The following PTPRD variants were observed in gnomAD, a reference collection of about 807,000 sequenced individuals.
PTPRD encodes the protein receptor-type tyrosine-protein phosphatase delta.
A neutral mutation model predicts 214.5 loss-of-function variants in PTPRD; 34 were observed. That is an observed-to-expected ratio of 0.16 (90% CI 0.12 to 0.21). The LOEUF (loss-of-function observed/expected upper bound fraction) is 0.21, where lower values mean the gene tolerates loss of function less well. Ranked by LOEUF, PTPRD falls within the 10% of genes least tolerant of loss-of-function variation. The pLI is 1.00. For synonymous variants in PTPRD, 1,128 were observed against 845.7 expected, an observed-to-expected ratio of 1.33 and a Z score of -5.79; for missense variants, 2,545 against 2,398.7, an observed-to-expected ratio of 1.06 and a Z score of -1.27.
Position 8,341,073 on chromosome 9 carries a change from G to A in PTPRD, c.5126+17C>T, listed in dbSNP as rs1174651504. On this transcript the variant is annotated intron_variant, in intron 41 of 45. Coordinates refer to ENST00000381196, the MANE Select transcript of PTPRD (RefSeq NM_002839.4). ...AATATCAAGGCTTTGGATAGTCAGG[G>A]GAGCAAAAGTAGATACCTGTATCCA... 3.2e-6 allele frequency: 5 copies of A among 1,562,996 alleles called. No homozygotes were observed. The highest frequency in any genetic ancestry group is 1.9e-5 in the Admixed American group (1 of 53,478).
intron 3 of PTPRD, among the ~76,000 whole-genome samples, chr9:10,113,889 G>A (rs992545518): frequency 6.6e-6 from 1 of 152,154 alleles, no homozygotes; most frequent in Non-Finnish European, 1.5e-5. Flanking sequence ...AGACTCAGCT[G>A]TCTAGGATAC....
At chr9:9,887,484 C>T (rs2071401530) in intron 5 of PTPRD, among the ~76,000 whole-genome samples, 1 of 152,082 alleles carries the variant, frequency 6.6e-6, no homozygotes, top group South Asian at 2.1e-4. Context: ...TAGGACCACA[C>T]ATTTGGAAGG....
In PTPRD at chr9:9,122,134, T is replaced by C. The variant is rs542619955; in HGVS notation, c.-143+61170A>G. Among the ~76,000 whole-genome samples the C allele has an allele frequency of 6.6e-5, 10 of 152,302 alleles. No individual in the cohort carries two copies. In the East Asian group the frequency reaches 1.9e-3, roughly 29 times the overall value. On this transcript the variant is annotated intron_variant, in intron 10 of 45. Coordinates refer to ENST00000381196, the MANE Select transcript of PTPRD (RefSeq NM_002839.4). ...ATGATTAACAGTAGCAGACTTCATATGTTCCTCAGTGATATCTGGTTTCCT... is the reference window on the plus strand; with the variant it reads ...ATGATTAACAGTAGCAGACTTCATACGTTCCTCAGTGATATCTGGTTTCCT...
intron 11 of PTPRD, among the ~76,000 whole-genome samples, chr9:8,791,333 C>A (rs2096226573): frequency 6.6e-6 from 1 of 151,912 alleles, no homozygotes; most frequent in Non-Finnish European, 1.5e-5. Flanking sequence ...TCAAGTGATT[C>A]TCCTGCCTTA....
At chr9:10,010,038 C>T (rs555339213) in intron 4 of PTPRD, among the ~76,000 whole-genome samples, 2 of 151,968 alleles carry the variant, frequency 1.3e-5, no homozygotes, top group African/African-American at 2.4e-5. Flanking sequence ...AGGAGGGGTC[C>T]ATTCAGTTGG....
At chr9:10,140,786 G>C (rs566251606) in intron 3 of PTPRD, among the ~76,000 whole-genome samples, 17 of 151,950 alleles carry the variant, frequency 1.1e-4, no homozygotes, top group South Asian at 6.3e-4. Flanking sequence ...GCCGGGCAGA[G>C]ACACAACCAA....
intron 33 of PTPRD, among the ~76,000 whole-genome samples, chr9:8,456,202 A>C (rs976163974): frequency 1.3e-5 from 2 of 152,156 alleles, no homozygotes; most frequent in African/African-American, 4.8e-5. Context: ...CTTGACCTGC[A>C]GTTTAGTGGA....
At chr9:9,810,305 A>G (rs2046747774) in intron 5 of PTPRD, among the ~76,000 whole-genome samples, 1 of 152,140 alleles carries the variant, frequency 6.6e-6, no homozygotes, top group African/African-American at 2.4e-5. Context: ...TGTAGACAAA[A>G]TAGCCTTCTA....
intron 10 of PTPRD, among the ~76,000 whole-genome samples, chr9:9,148,804 T>C (rs1569553864): frequency 6.6e-6 from 1 of 152,152 alleles, no homozygotes; most frequent in Non-Finnish European, 1.5e-5. Context: ...TTTCAGGATA[T>C]TAATGAATAT....
At chr9:8,534,585 G>C (rs918912785) in intron 14 of PTPRD, among the ~76,000 whole-genome samples, 15 of 151,056 alleles carry the variant, frequency 9.9e-5, no homozygotes, top group Admixed American at 3.3e-4. Flanking sequence ...AAAAATGATA[G>C]ACGAGTAATA....
intron 7 of PTPRD, among the ~76,000 whole-genome samples, chr9:9,664,761 G>A (rs2096684689): frequency 2.0e-5 from 3 of 151,584 alleles, no homozygotes; most frequent in Non-Finnish European, 4.4e-5. Context: ...GTCATAAACT[G>A]ATTAAAAATC....
chr9:9,659,953 A>C (rs548280588), intron 7 of PTPRD, among the ~76,000 whole-genome samples: 2 of 152,192 alleles, frequency 1.3e-5, no homozygotes, highest in Middle Eastern at 3.4e-3. Context: ...TCATGATTAC[A>C]TATATTACTC....
chr9:9,754,324 T>C (rs2098548951), intron 6 of PTPRD, among the ~76,000 whole-genome samples: 1 of 152,042 alleles, frequency 6.6e-6, no homozygotes, highest in East Asian at 1.9e-4. Context: ...CTGGATGACT[T>C]GTAAACTTTT....
intron 3 of PTPRD, among the ~76,000 whole-genome samples, chr9:10,058,219 G>C (rs1681330089): frequency 6.6e-6 from 1 of 151,882 alleles, no homozygotes; most frequent in African/African-American, 2.4e-5. Flanking sequence ...TCCCCCTTTT[G>C]AGTTATGTAT....
At chr9:10,584,402 A>G (rs2073202143) in intron 2 of PTPRD, among the ~76,000 whole-genome samples, 1 of 152,184 alleles carries the variant, frequency 6.6e-6, no homozygotes, top group Admixed American at 6.5e-5. Context: ...TTTCAATACA[A>G]AAAAGAATTT....
intron 14 of PTPRD, among the ~76,000 whole-genome samples, chr9:8,536,690 C>T (rs1040910891): frequency 4.5e-4 from 68 of 152,066 alleles, no homozygotes; most frequent in African/African-American, 1.3e-3. Flanking sequence ...CTGAGAATGG[C>T]GGGCCTTCTG....
At chr9:9,409,741 T>G (rs978396562) in intron 8 of PTPRD, among the ~76,000 whole-genome samples, 1 of 152,090 alleles carries the variant, frequency 6.6e-6, no homozygotes, top group African/African-American at 2.4e-5. Flanking sequence ...CAAATCCCAG[T>G]AGAGTACCAT....
At chr9:10,254,267 T>C (rs2093049207) in intron 3 of PTPRD, among the ~76,000 whole-genome samples, 1 of 152,252 alleles carries the variant, frequency 6.6e-6, no homozygotes, top group African/African-American at 2.4e-5. Context: ...TATAAGTTAT[T>C]TAAAATCCAA....
At chr9:10,441,837 T>C (rs1166618792) in intron 2 of PTPRD, among the ~76,000 whole-genome samples, 1 of 151,632 alleles carries the variant, frequency 6.6e-6, no homozygotes, top group East Asian at 1.9e-4. Flanking sequence ...GTAAGAGGTA[T>C]TCTCTAGTTC....
Sources: gnomAD v4.1 joint callset for allele counts (sites outside exome capture counted in the v4.1 genomes callset) on GRCh38, gnomAD v4.1.1 for gene constraint, MANE v1.5 for transcripts, NCBI Gene and HGNC (gene_info 2026-07-23, HGNC 2026-07-21) for gene names.